NRAP: variants seen among roughly 807,000 people sequenced by gnomAD.
NRAP encodes nebulin related anchoring protein, also known as nebulin-related-anchoring protein.
A neutral mutation model predicts 225.9 loss-of-function variants in NRAP; 189 were observed. The ratio of observed to expected loss-of-function variants is 0.84; its 90% CI spans 0.74 to 0.94. The LOEUF (loss-of-function observed/expected upper bound fraction) is 0.94, where lower values mean the gene tolerates loss of function less well. Among genes scored for constraint, NRAP ranks in the 40% least tolerant of loss-of-function variants. The pLI, the probability that NRAP is intolerant of heterozygous loss-of-function variation, is 0.00. For missense variants in NRAP, 2,176 were observed against 2,168.7 expected (o/e 1.00, Z -0.07); for synonymous variants, 769 against 790.7 (o/e 0.97, Z 0.46).
intron 31 of NRAP, among the ~76,000 whole-genome samples, chr10:113,610,148 G>A (rs986828784): frequency 2.6e-5 from 4 of 151,998 alleles, no homozygotes; most frequent in South Asian, 2.1e-4. Flanking sequence ...TCAGGAGTTC[G>A]AGACCAGCCT....
chr10:113,654,276 G>C, intron 4 of NRAP, 151 bp from the exon 5 acceptor site: 1 of 567,908 alleles, frequency 1.8e-6, no homozygotes, highest in Non-Finnish European at 3.2e-6. Context: ...ATTTATTTCA[G>C]GCTAGAAAAT....
At chr10:113,603,888 GCA>G (rs781000353) in intron 35 of NRAP, among the ~76,000 whole-genome samples, 55 of 151,990 alleles carry the variant, frequency 3.6e-4, no homozygotes, top group African/African-American at 1.2e-3. Flanking sequence ...ACGTGTACGT[GCA>G]CGCACACACA....
intron 13 of NRAP, 46 bp from the exon 14 acceptor site, chr10:113,640,377 T>A: frequency 8.7e-7 from 1 of 1,148,256 alleles, no homozygotes; most frequent in Non-Finnish European, 1.3e-6. Context: ...CAATTTCTAC[T>A]TTCTTTTGGC....
chr10:113,603,432 C>A (rs114772684), intron 35 of NRAP, among the ~76,000 whole-genome samples: 14 of 152,006 alleles, frequency 9.2e-5, no homozygotes, highest in Non-Finnish European at 1.0e-4. Context: ...TGAGCTCCCC[C>A]CAAGAGAGCA....
At position 113,653,018 on chromosome 10, in the gene NRAP, G is replaced by T. The variant is rs745530122; in HGVS notation, c.487C>A (p.Gln163Lys). ...LGEEYTEDYE[Q>K]PRGKGSFPAM... Reference sequence around the variant, plus strand: ...GGAAAGCTCCCCTTGCCCCTGGGTTGCTCATAGTCTTCTGTATATTCCTGT... The same window carrying T: ...GGAAAGCTCCCCTTGCCCCTGGGTTTCTCATAGTCTTCTGTATATTCCTGT... Residue 163 changes from glutamine to lysine, a missense_variant, in exon 6 of 42, where the codon CAA (glutamine) becomes AAA (lysine). Physicochemically the swap from Gln to Lys is moderately conservative, Grantham distance 53 (BLOSUM62 1). Coordinates refer to ENST00000359988, the MANE Select transcript of NRAP (RefSeq NM_198060.4). 6.2e-7 allele frequency: 1 copy of T among 1,610,942 alleles called. No individual in the cohort carries two copies. Among genetic ancestry groups the T allele is most frequent in the Non-Finnish European group, 8.5e-7 (1 of 1,178,776 alleles).
At chr10:113,624,328 T>G (rs1350181068) in intron 22 of NRAP, among the ~76,000 whole-genome samples, 1 of 152,198 alleles carries the variant, frequency 6.6e-6, no homozygotes, top group African/African-American at 2.4e-5. Context: ...CAGCTACCAC[T>G]GTGCACTTGC....
chr10:113,648,465 C>CTATATATATATATA (rs1326507151), intron 9 of NRAP, among the ~76,000 whole-genome samples: 1 of 105,226 alleles, frequency 9.5e-6, no homozygotes, highest in East Asian at 2.7e-4. Flanking sequence ...CTCTCTCTCT[C>CTATATATATATATA]TCTATATATA....
chr10:113,608,578 G>T, intron 31 of NRAP, 66 bp from the exon 32 acceptor site: 1 of 1,013,494 alleles, frequency 9.9e-7, no homozygotes. Context: ...AGCAGAACCA[G>T]TTCTTTAAGT....
At position 113,622,045 on chromosome 10, in the gene NRAP, C is replaced by T. The variant is rs149617737; in HGVS notation, c.2593G>A (p.Glu865Lys). The change falls in exon 24 of 42, where the codon GAG (glutamate) becomes AAG (lysine). Residue 865 changes from glutamate to lysine, a missense_variant. Transcript: ENST00000359988. ...ACGTGGCATTGGGATTTGGTGTCCT[C>T]GAATCCCTTCTTGTACTCCAGCTCA... ...QSELEYKKGF[E>K]DTKSQCHVSL... is the part of the protein sequence containing the mutation. 6.8e-5 allele frequency: 109 copies of T among 1,614,190 alleles called. 1 individual carries two copies. In the African/African-American group the frequency reaches 9.5e-4, roughly 14 times the overall value.
intron 14 of NRAP, among the ~76,000 whole-genome samples, chr10:113,637,254 T>A (rs544465748): frequency 4.6e-5 from 7 of 152,308 alleles, no homozygotes; most frequent in Non-Finnish European, 1.0e-4. Context: ...CACCACCCTA[T>A]GGTTAGGCAC....
rs879252479 is a variant in NRAP, at chr10:113,622,025, G to A, written c.2613C>T (p.Cys871=). The stretch of plus-strand genomic sequence containing the variant: ...GGTGGACCATGTCCAGGGAGACGTG[G>A]CATTGGGATTTGGTGTCCTCGAATC... ...KKGFEDTKSQ[C]HVSLDMVHLV... The change falls in exon 24 of 42, where the codon TGC becomes TGT. Residue 871 remains cysteine (C), a synonymous_variant. Coordinates refer to ENST00000359988, the MANE Select transcript of NRAP (RefSeq NM_198060.4). 1.2e-5 allele frequency: 20 copies of A among 1,614,228 alleles called. No homozygotes were observed. Among genetic ancestry groups the A allele is most frequent in the Non-Finnish European group, 1.7e-5 (20 of 1,180,044 alleles).
In NRAP at chr10:113,650,388, T is replaced by A. The variant is rs770717474; in HGVS notation, c.783+50A>T. On this transcript the variant is annotated intron_variant, in intron 8 of 41. Coordinates refer to ENST00000359988, the MANE Select transcript of NRAP (RefSeq NM_198060.4). ...GGAAGTTGGACTCCTCAGACCCAGG[T>A]TCACATTCCTCTTTCTCCCTAACAT... 4.1e-5 allele frequency: 56 copies of A among 1,362,784 alleles called. No homozygotes were observed. In the South Asian group the frequency reaches 6.0e-4, roughly 15 times the overall value. 84.4% of individuals were successfully genotyped at this position (1,362,784 alleles called of 1,614,324 possible).
chr10:113,606,469 C>T (rs1179892151), intron 32 of NRAP, among the ~76,000 whole-genome samples, 187 bp from the exon 33 acceptor site: 1 of 152,086 alleles, frequency 6.6e-6, no homozygotes, highest in Non-Finnish European at 1.5e-5. Flanking sequence ...GGAGTCAAAT[C>T]GAGTGATGTA....
chr10:113,632,497 A>C (rs192910577), intron 16 of NRAP, among the ~76,000 whole-genome samples: 121 of 152,346 alleles, frequency 7.9e-4, no homozygotes, highest in African/African-American at 2.7e-3. Context: ...CTACGGTTAC[A>C]TAAATTTAAA....
chr10:113,629,572 TA>T lies in NRAP; in HGVS notation c.2040+15del. ...GCAAGAGATGCATGAAGAGAACTGA[TA>T]ATGTGTGGGCTCACCTCGCTCTGGA... On this transcript the variant is annotated intron_variant, in intron 19 of 41. Coordinates refer to ENST00000359988, the MANE Select transcript of NRAP (RefSeq NM_198060.4). The T allele has an allele frequency of 6.4e-7, 1 of 1,566,288 alleles. No homozygotes were observed. The highest frequency in any genetic ancestry group is 8.8e-7 in the Non-Finnish European group (1 of 1,136,804).
At position 113,614,199 on chromosome 10, in the gene NRAP, G is replaced by A; in HGVS notation, c.3284C>T (p.Thr1095Ile). The change falls in exon 29 of 42, where the codon ACC becomes ATC. Residue 1095 changes from threonine to isoleucine, a missense_variant. By Grantham distance (89) the Thr-to-Ile change is moderately conservative. Around this residue, in one of 3 missense-constraint regions of NRAP, gnomAD observed 1,708 missense variants for 1,695.5 expected, o/e 1.01. Coordinates refer to ENST00000359988, the MANE Select transcript of NRAP (RefSeq NM_198060.4). The part of the protein sequence containing the change: ...DISLAHSVYA[T>I]SLQSDVNYKK... Reference sequence around the variant, plus strand: ...CCCACTTACATCACTCTGCAGTGAGGTCGCATACACTGAATGTGCAAGGCT... The same window carrying A: ...CCCACTTACATCACTCTGCAGTGAGATCGCATACACTGAATGTGCAAGGCT... 6.2e-7 allele frequency: 1 copy of A among 1,612,512 alleles called. No individual in the cohort carries two copies. The highest frequency in any genetic ancestry group is 8.5e-7 in the Non-Finnish European group (1 of 1,178,500).
At chr10:113,592,547 G>A (rs1221021391) in intron 38 of NRAP, among the ~76,000 whole-genome samples, 4 of 147,092 alleles carry the variant, frequency 2.7e-5, no homozygotes, top group Admixed American at 7.0e-5. Flanking sequence ...TGTGATCTTC[G>A]GGTATGGCTC....
intron 18 of NRAP, among the ~76,000 whole-genome samples, chr10:113,630,419 G>A (rs1460901361): frequency 1.3e-5 from 2 of 152,118 alleles, no homozygotes; most frequent in African/African-American, 4.8e-5. Context: ...AATGGTGATG[G>A]TAATTATGGT....
intron 34 of NRAP, 63 bp downstream of exon 34, chr10:113,605,699 A>G (rs528846113): frequency 9.3e-7 from 1 of 1,077,414 alleles, no homozygotes; most frequent in East Asian, 2.4e-5. Context: ...TCAGCCGTAG[A>G]CATTGTTTTA....
Sources: gnomAD v4.1 joint callset for allele counts (sites outside exome capture counted in the v4.1 genomes callset) on GRCh38, gnomAD v4.1.1 for gene constraint, gnomAD v4.1.1 regional missense constraint, MANE v1.5 for transcripts, NCBI Gene and HGNC (gene_info 2026-07-23, HGNC 2026-07-21) for gene names.